SOS2: variants seen among roughly 807,000 people sequenced by gnomAD.
SOS2 encodes son of sevenless homolog 2.
Under a neutral mutation model 148.2 loss-of-function variants are expected in SOS2, and 65 were observed. The ratio of observed to expected loss-of-function variants is 0.44; its 90% CI spans 0.36 to 0.54. SOS2 has a LOEUF of 0.54. Ranked by LOEUF, SOS2 falls within the 20% of genes least tolerant of loss-of-function variation. The pLI, the probability that SOS2 is intolerant of heterozygous loss-of-function variation, is 0.00. For missense variants in SOS2, 1,341 were observed against 1,590.2 expected (o/e 0.84, Z 2.67); for synonymous variants, 539 against 537.1 (o/e 1.00, Z -0.05).
chr14:50,174,339 AATAC>A (rs1885458928), intron 8 of SOS2, 111 bp downstream of exon 8: 1 of 7,604 alleles, frequency 1.3e-4, no homozygotes, highest in Non-Finnish European at 2.5e-4. Flanking sequence ...AAAATTATTA[AATAC>A]TTACATAAAA....
intron 12 of SOS2, chr14:50,155,978 G>C (rs1470429403): frequency 6.6e-6 from 1 of 152,126 alleles, no homozygotes; most frequent in Non-Finnish European, 1.5e-5. Context: ...TTTAGTGAAA[G>C]ACATATAGCT....
At chr14:50,177,274 T>C (rs1169983165) in intron 7 of SOS2, among the ~76,000 whole-genome samples, 1 of 151,986 alleles carries the variant, frequency 6.6e-6, no homozygotes, top group Non-Finnish European at 1.5e-5. Flanking sequence ...GAACTGAGAC[T>C]GTGCCACTGC....
At chr14:50,125,440 T>C (rs117529030) in intron 21 of SOS2, among the ~76,000 whole-genome samples, 4,681 of 152,318 alleles carry the variant, frequency 0.031, 86 homozygotes, top group Middle Eastern at 0.048. Context: ...TGCTTTGTTA[T>C]GGCAGTACTA....
At chr14:50,174,908 G>T (rs957793202) in intron 7 of SOS2, among the ~76,000 whole-genome samples, 1 of 152,170 alleles carries the variant, frequency 6.6e-6, no homozygotes, top group Non-Finnish European at 1.5e-5. Flanking sequence ...TACAAAAGAT[G>T]CATTTCAGGG....
At chr14:50,151,440 T>C (rs973235095) in intron 13 of SOS2, among the ~76,000 whole-genome samples, 1 of 152,252 alleles carries the variant, frequency 6.6e-6, no homozygotes, top group African/African-American at 2.4e-5. Context: ...AGTTAACTTT[T>C]TGTGATAGTA....
intron 18 of SOS2, among the ~76,000 whole-genome samples, chr14:50,135,374 A>T (rs1355318637): frequency 6.6e-6 from 1 of 151,484 alleles, no homozygotes; most frequent in African/African-American, 2.4e-5. Context: ...TTAAGTTTTA[A>T]CGTAGAAAAT....
At chr14:50,205,650 G>A (rs1460932440) in intron 1 of SOS2, among the ~76,000 whole-genome samples, 1 of 152,138 alleles carries the variant, frequency 6.6e-6, no homozygotes, top group Non-Finnish European at 1.5e-5. Flanking sequence ...TAAAAAATTA[G>A]CATAGGCACG....
In SOS2 at chr14:50,118,304, C is replaced by A; in HGVS notation, c.*40G>T. 2.0e-6 allele frequency: 3 copies of A among 1,483,466 alleles called. No homozygotes were observed. Among genetic ancestry groups the A allele is most frequent in the Non-Finnish European group, 2.7e-6 (3 of 1,102,772 alleles). 91.9% of individuals were successfully genotyped at this position (1,483,466 alleles called of 1,614,324 possible). ...TGAATAAATTAAAAAAAAAACTTTA[C>A]AAATACCATTCCAGTGTCAATGACT... On this transcript the variant is annotated 3_prime_UTR_variant, in exon 23 of 23. Coordinates refer to ENST00000216373, the MANE Select transcript of SOS2 (RefSeq NM_006939.4).
chr14:50,181,697 T>C (rs1885745721), intron 6 of SOS2, among the ~76,000 whole-genome samples: 1 of 152,148 alleles, frequency 6.6e-6, no homozygotes, highest in African/African-American at 2.4e-5. Context: ...AGTGGGATCC[T>C]ATTTTTGCAA....
intron 11 of SOS2, among the ~76,000 whole-genome samples, chr14:50,158,006 T>A (rs1884873485): frequency 6.6e-6 from 1 of 152,112 alleles, no homozygotes; most frequent in Non-Finnish European, 1.5e-5. Flanking sequence ...TAGAAAAATA[T>A]TTATAGATGA....
intron 1 of SOS2, among the ~76,000 whole-genome samples, chr14:50,223,585 G>T (rs1012325735): frequency 6.6e-6 from 1 of 152,162 alleles, no homozygotes; most frequent in African/African-American, 2.4e-5. Context: ...TGAGGCAGGA[G>T]AATCACTTGA....
chr14:50,226,999 A>G (rs1290688471), intron 1 of SOS2, among the ~76,000 whole-genome samples: 1 of 152,168 alleles, frequency 6.6e-6, no homozygotes, highest in Non-Finnish European at 1.5e-5. Flanking sequence ...GGTGAAGGCA[A>G]TTATGTTCTA....
At chr14:50,210,507 A>G (rs114808744) in intron 1 of SOS2, among the ~76,000 whole-genome samples, 2,038 of 152,284 alleles carry the variant, frequency 0.013, 40 homozygotes, top group African/African-American at 0.045. Flanking sequence ...AGGACACAAA[A>G]AATTACTAGC....
intron 7 of SOS2, among the ~76,000 whole-genome samples, chr14:50,179,162 T>C (rs1285794251): frequency 6.6e-6 from 1 of 152,176 alleles, no homozygotes; most frequent in Non-Finnish European, 1.5e-5. Flanking sequence ...TATATCCTGA[T>C]TAAAACATAC....
At chr14:50,180,132 T>G (rs112473628) in intron 7 of SOS2, among the ~76,000 whole-genome samples, 5 of 151,542 alleles carry the variant, frequency 3.3e-5, no homozygotes, top group African/African-American at 1.2e-4. Flanking sequence ...GCCTCCTGAG[T>G]AGCTGGGATT....
chr14:50,148,239 C>T (rs1884553521), intron 14 of SOS2, among the ~76,000 whole-genome samples: 1 of 151,484 alleles, frequency 6.6e-6, no homozygotes, highest in African/African-American at 2.4e-5. Context: ...TGGTGAAACC[C>T]CATCTCTACT....
chr14:50,210,372 C>T (rs1020556651), intron 1 of SOS2, among the ~76,000 whole-genome samples: 3 of 152,214 alleles, frequency 2.0e-5, no homozygotes, highest in Middle Eastern at 6.8e-3. Flanking sequence ...CTACTTCAAC[C>T]TTTACCCAAA....
intron 13 of SOS2, 87 bp downstream of exon 13, chr14:50,152,983 G>T: frequency 1.6e-6 from 1 of 642,544 alleles, no homozygotes; most frequent in Non-Finnish European, 2.7e-6. Context: ...AAAAGAGAGA[G>T]AAATGTTTTA....
intron 9 of SOS2, among the ~76,000 whole-genome samples, 163 bp downstream of exon 9, chr14:50,161,319 A>T (rs1481769988): frequency 6.6e-6 from 1 of 152,048 alleles, no homozygotes; most frequent in African/African-American, 2.4e-5. Context: ...GGAAAGGAAA[A>T]GGAAAAAAGA....
Sources: allele counts gnomAD v4.1 joint callset (sites outside exome capture counted in the v4.1 genomes callset), GRCh38; gene constraint gnomAD v4.1.1; transcripts MANE v1.5; gene names NCBI Gene and HGNC (gene_info 2026-07-23, HGNC 2026-07-21).